RNF17: variants seen among roughly 807,000 people sequenced by gnomAD.
The protein encoded by RNF17 is spermatogenesis associated 23.
A neutral mutation model predicts 200.5 loss-of-function variants in RNF17; 31 were observed. That is an observed-to-expected ratio of 0.15 (90% CI 0.12 to 0.21). The LOEUF is 0.21. RNF17 is among the 10% of genes least tolerant of loss of function. The probability of loss-of-function intolerance (pLI) is 1.00; values close to 1 mark genes in which losing one functional copy is unlikely to be tolerated. For missense variants in RNF17, 1,628 were observed against 1,905.1 expected, an observed-to-expected ratio of 0.85 and a Z score of 2.71; for synonymous variants, 606 against 637.8, an observed-to-expected ratio of 0.95 and a Z score of 0.75.
intron 24 of RNF17, among the ~76,000 whole-genome samples, chr13:24,851,917 G>A (rs12427779): frequency 6.6e-6 from 1 of 151,942 alleles, no homozygotes; most frequent in Non-Finnish European, 1.5e-5. Flanking sequence ...AAATGTTTAG[G>A]CTTTATTTTA....
intron 6 of RNF17, among the ~76,000 whole-genome samples, chr13:24,785,770 G>C (rs1883025534): frequency 6.6e-6 from 1 of 152,042 alleles, no homozygotes; most frequent in South Asian, 2.1e-4. Context: ...ATGTTTTGGG[G>C]TTCTAATATT....
intron 28 of RNF17, among the ~76,000 whole-genome samples, chr13:24,863,486 G>T (rs1285974538): frequency 6.6e-6 from 1 of 152,186 alleles, no homozygotes; most frequent in Non-Finnish European, 1.5e-5. Flanking sequence ...GAGAGCCTCA[G>T]TGGAGGTTTC....
Position 24,874,134 on chromosome 13 carries a change from T to C in RNF17, c.4468T>C (p.Tyr1490His). ...TCCAGAAATGCCTTGCCTTGCAGAA[T>C]ATGATGATGGCTTATGGTATAGAGC... The part of the protein sequence containing the change: ...FRTEMPCLAE[Y>H]DDGLWYRAKI... The change falls in exon 33 of 36, where the codon TAT (tyrosine) becomes CAT (histidine). Residue 1490 changes from tyrosine to histidine, a missense_variant. Physicochemically the swap from Tyr to His is moderately conservative, Grantham distance 83. Transcript: ENST00000255324. 6.2e-7 allele frequency: 1 copy of C among 1,610,308 alleles called. No individual in the cohort carries two copies. The highest frequency in any genetic ancestry group is 8.5e-7 in the Non-Finnish European group (1 of 1,179,210).
chr13:24,795,920 T>G (rs1291248574), intron 10 of RNF17, among the ~76,000 whole-genome samples: 1 of 152,210 alleles, frequency 6.6e-6, no homozygotes, highest in Non-Finnish European at 1.5e-5. Context: ...TTATGAAGTA[T>G]TTGCAGTTCA....
chr13:24,823,368 G>T (rs191360829), intron 15 of RNF17, among the ~76,000 whole-genome samples: 9 of 152,108 alleles, frequency 5.9e-5, no homozygotes, highest in Non-Finnish European at 1.0e-4. Flanking sequence ...CACCACGCCC[G>T]GCCAAGAGAG....
Position 24,830,485 on chromosome 13 carries a change from A to T in RNF17, c.2247A>T (p.Gly749=), listed in dbSNP as rs1185442740. 19 of 1,568,190 alleles carry T rather than the reference A, an allele frequency of 1.2e-5. No homozygotes were observed. Among genetic ancestry groups the T allele is most frequent in the Non-Finnish European group, 1.6e-5 (19 of 1,151,530 alleles). The change falls in exon 17 of 36, where the codon GGA becomes GGT. Residue 749 remains glycine, a splice_region_variant and synonymous_variant. Transcript: ENST00000255324. ...TTTCTAATTTCATAATTTTTCAAGGATTGCCTGGACATCAGGAAGTTGAAG... is the reference window on the plus strand; with the variant it reads ...TTTCTAATTTCATAATTTTTCAAGGTTTGCCTGGACATCAGGAAGTTGAAG... ...DGIWYRAKVI[G]LPGHQEVEVK...
chr13:24,781,988 A>G (rs767289848), intron 6 of RNF17, 44 bp downstream of exon 6: 4 of 1,188,478 alleles, frequency 3.4e-6, no homozygotes, highest in South Asian at 2.5e-5. Context: ...TGAAGTTTCT[A>G]ACACTAACTT....
the RNF17 span, among the ~76,000 whole-genome samples, chr13:24,749,224 A>G: frequency 2.6e-5 from 4 of 152,106 alleles, no homozygotes; most frequent in Admixed American, 6.5e-5. Flanking sequence ...AGCAATATAC[A>G]GGATTCCAGC....
intron 2 of RNF17, among the ~76,000 whole-genome samples, chr13:24,770,683 G>T (rs970795434): frequency 1.3e-5 from 2 of 152,116 alleles, no homozygotes; most frequent in Non-Finnish European, 2.9e-5. Flanking sequence ...AACCTTGAAA[G>T]AACATTCTCT....
chr13:24,786,722 G>A (rs1487527814), intron 6 of RNF17, among the ~76,000 whole-genome samples: 2 of 152,070 alleles, frequency 1.3e-5, no homozygotes, highest in East Asian at 1.9e-4. Flanking sequence ...CAAGGTTTCT[G>A]CTGAGAAATT....
the RNF17 span, among the ~76,000 whole-genome samples, chr13:24,888,113 G>A: frequency 1.3e-5 from 2 of 152,070 alleles, no homozygotes; most frequent in Non-Finnish European, 2.9e-5. Flanking sequence ...TAAAATTCCA[G>A]ATTAAAAACT....
the RNF17 span, among the ~76,000 whole-genome samples, chr13:24,752,476 G>A: frequency 6.6e-6 from 1 of 152,252 alleles, no homozygotes; most frequent in Admixed American, 6.5e-5. Flanking sequence ...AATGAGCCTG[G>A]TGGAGCAAGT....
At chr13:24,804,464 T>C (rs532366872) in intron 15 of RNF17, 35 bp downstream of exon 15, 1 of 1,516,368 alleles carries the variant, frequency 6.6e-7, no homozygotes, top group African/African-American at 1.4e-5. Context: ...ATGAAGTTTT[T>C]AAAAAAATTT....
intron 6 of RNF17, among the ~76,000 whole-genome samples, chr13:24,782,820 A>G (rs538402179): frequency 1.3e-5 from 2 of 152,302 alleles, no homozygotes; most frequent in African/African-American, 4.8e-5. Context: ...ATTTTTGTCT[A>G]TATGACTTAC....
At chr13:24,838,821 GAGCAGTCAA>G (rs147388360) in intron 18 of RNF17, among the ~76,000 whole-genome samples, 21,577 of 152,044 alleles carry the variant, frequency 0.14, 1,995 homozygotes, top group Admixed American at 0.26. Context: ...GTCCTAGCCA[GAGCAGTCAA>G]GCAAGAGAAG....
intron 15 of RNF17, among the ~76,000 whole-genome samples, chr13:24,814,632 C>T (rs1282894509): frequency 6.6e-6 from 1 of 152,148 alleles, no homozygotes; most frequent in Non-Finnish European, 1.5e-5. Flanking sequence ...ACTGTCTTTT[C>T]CCCCATTGAA....
At chr13:24,831,724 C>A in intron 17 of RNF17, 134 bp from the exon 18 acceptor site, 1 of 770,110 alleles carries the variant, frequency 1.3e-6, no homozygotes, top group Non-Finnish European at 2.1e-6. Context: ...CACCTTCACA[C>A]ATTATTTGAT....
chr13:24,838,650 T>C (rs1890272890), intron 18 of RNF17, among the ~76,000 whole-genome samples: 1 of 152,136 alleles, frequency 6.6e-6, no homozygotes, highest in Non-Finnish European at 1.5e-5. Flanking sequence ...CCCAGGAATT[T>C]GGCATACAAG....
chr13:24,767,216 C>G (rs1428481401), intron 1 of RNF17, 56 bp from the exon 2 acceptor site: 11 of 1,250,892 alleles, frequency 8.8e-6, no homozygotes, highest in Non-Finnish European at 1.3e-5. Flanking sequence ...AGAGCAAGAC[C>G]CTGTCTCAAT....
Sources: gnomAD v4.1 joint callset for allele counts (sites outside exome capture counted in the v4.1 genomes callset) on GRCh38, gnomAD v4.1.1 for gene constraint, MANE v1.5 for transcripts, NCBI Gene and HGNC (gene_info 2026-07-23, HGNC 2026-07-21) for gene names.